SYNE2: variants seen among roughly 807,000 people sequenced by gnomAD.
SYNE2 encodes nesprin-2.
In SYNE2, 431 loss-of-function variants were observed where a neutral mutation model predicts 856.3. The observed-to-expected ratio is 0.50, with a 90% CI of 0.47 to 0.55. The LOEUF is 0.55. Ranked by LOEUF, SYNE2 falls within the 20% of genes least tolerant of loss-of-function variation. The probability of loss-of-function intolerance (pLI) is 0.00; values close to 1 mark genes in which losing one functional copy is unlikely to be tolerated. For missense variants in SYNE2, 8,129 were observed against 8,023.2 expected (o/e 1.01, Z -0.50); for synonymous variants, 2,923 against 2,872.3 (o/e 1.02, Z -0.56).
At chr14:64,074,231 GGGGGAGCGGTCT>G in intron 53 of SYNE2, 95 bp downstream of exon 53, 1 of 1,292,824 alleles carries the variant, frequency 7.7e-7, no homozygotes, top group Admixed American at 1.7e-5. Flanking sequence ...GGCTGGGTTT[GGGGGAGCGGTCT>G]GGGGAGAGAG....
At chr14:63,842,258 G>C (rs1000332487) in intron 1 of SYNE2, among the ~76,000 whole-genome samples, 1 of 151,848 alleles carries the variant, frequency 6.6e-6, no homozygotes. Flanking sequence ...TGCAACCTGC[G>C]CCTGCCAGGC....
At chr14:64,198,003 G>C (rs2098547272) in intron 99 of SYNE2, among the ~76,000 whole-genome samples, 2 of 152,122 alleles carry the variant, frequency 1.3e-5, no homozygotes, top group Non-Finnish European at 1.5e-5. Flanking sequence ...CTTTTGTTCA[G>C]GTCTCCCAAT....
At chr14:63,982,278 C>T (rs1321162875) in intron 16 of SYNE2, among the ~76,000 whole-genome samples, 1 of 152,002 alleles carries the variant, frequency 6.6e-6, no homozygotes, top group African/African-American at 2.4e-5. Flanking sequence ...GTTCATCAGC[C>T]ATGTAGAAAG....
intron 73 of SYNE2, among the ~76,000 whole-genome samples, chr14:64,127,125 G>T (rs2097954480): frequency 6.6e-6 from 1 of 152,170 alleles, no homozygotes; most frequent in Admixed American, 6.6e-5. Context: ...GCCGGACATG[G>T]TGGTGTGTGC....
chr14:63,959,278 TTTC>T (rs1166154223), intron 8 of SYNE2, among the ~76,000 whole-genome samples: 7 of 148,550 alleles, frequency 4.7e-5, no homozygotes, highest in South Asian at 2.2e-4. Context: ...TCTTTTTTCT[TTTC>T]TTCTTCTTTT....
At chr14:63,893,334 G>A (rs1036354954) in intron 1 of SYNE2, among the ~76,000 whole-genome samples, 2 of 152,162 alleles carry the variant, frequency 1.3e-5, no homozygotes, top group Non-Finnish European at 2.9e-5. Context: ...CAAAGCAGTC[G>A]GATCACTTGA....
intron 6 of SYNE2, among the ~76,000 whole-genome samples, chr14:63,942,898 A>T (rs7156570): frequency 0.68 from 103,058 of 152,078 alleles, 35,175 homozygotes; most frequent in South Asian, 0.76. Flanking sequence ...CCCAAAGTGC[A>T]GGGATTACAG....
chr14:64,162,563 C>A, intron 88 of SYNE2: 1 of 450,148 alleles, frequency 2.2e-6, no homozygotes, highest in South Asian at 2.1e-5. Context: ...CATATGAAAT[C>A]TGAAGTAAAA....
chr14:64,077,261 C>A (rs2097470741), intron 54 of SYNE2, among the ~76,000 whole-genome samples: 1 of 152,150 alleles, frequency 6.6e-6, no homozygotes, highest in South Asian at 2.1e-4. Flanking sequence ...CATGATCTGT[C>A]CTAATGTATC....
chr14:63,904,954 C>T (rs1249963924), intron 1 of SYNE2, among the ~76,000 whole-genome samples: 2 of 152,058 alleles, frequency 1.3e-5, no homozygotes, highest in Non-Finnish European at 2.9e-5. Context: ...ACATTTAAAT[C>T]TTTTATCTAT....
intron 1 of SYNE2, among the ~76,000 whole-genome samples, chr14:63,874,306 A>G (rs1417778327): frequency 6.6e-6 from 1 of 152,162 alleles, no homozygotes; most frequent in Non-Finnish European, 1.5e-5. Flanking sequence ...GGAGCATTGC[A>G]TCTGATTTCC....
At position 63,905,292 on chromosome 14, in the gene SYNE2, G is replaced by T. The variant is rs189476543; in HGVS notation, c.-51-3806G>T. Among the ~76,000 whole-genome samples, 20 of 152,132 alleles carry T rather than the reference G, an allele frequency of 1.3e-4. No homozygotes were observed. In the East Asian group the frequency reaches 3.7e-3, roughly 28 times the overall value. On this transcript the variant is annotated intron_variant, in intron 1 of 115. Transcript: ENST00000555002. ...TCTTAGGATTGCTTTGACTATTTGG[G>T]CTCTTTTTTGGTTTTATATGAATTT... is the stretch of plus-strand genomic sequence containing the variant.
At position 64,143,817 on chromosome 14, in the gene SYNE2, G is replaced by A. The variant is rs1406937757; in HGVS notation, c.15352G>A (p.Val5118Ile). ...MDYKQWIVDF[V>I]NQSLLQLSTC... ...CTATAAACAGTGGATAGTTGACTTCGTTAACCAGTCATTACTTCAGCTAAG... is the reference window on the plus strand; with the variant it reads ...CTATAAACAGTGGATAGTTGACTTCATTAACCAGTCATTACTTCAGCTAAG... The change falls in exon 83 of 116, where the codon GTT becomes ATT. Residue 5118 changes from valine to isoleucine, a missense_variant. Val to Ile is a conservative substitution (Grantham distance 29). Coordinates refer to ENST00000555002, the MANE Select transcript of SYNE2 (RefSeq NM_182914.3). The A allele has an allele frequency of 5.6e-6, 9 of 1,614,148 alleles. No homozygotes were observed. The highest frequency in any genetic ancestry group is 5.5e-5 in the South Asian group (5 of 91,084).
intron 113 of SYNE2, among the ~76,000 whole-genome samples, chr14:64,223,967 G>T (rs1198496006): frequency 6.6e-6 from 1 of 152,042 alleles, no homozygotes; most frequent in Non-Finnish European, 1.5e-5. Flanking sequence ...TTTTAATATG[G>T]GTTGGCTTTT....
rs1476394778 is a variant in SYNE2, at chr14:64,226,026, G to T, written c.*500G>T. On this transcript the variant is annotated 3_prime_UTR_variant, in exon 116 of 116. Transcript: ENST00000555002. ...TTTACTCCAATCAGCTGGCAATTTT[G>T]AGCTGCCGGTTATACACCAAAATGT... 7 of 215,008 alleles carry T rather than the reference G, an allele frequency of 3.3e-5. No individual in the cohort carries two copies. Among genetic ancestry groups the T allele is most frequent in the African/African-American group, 1.6e-4 (7 of 44,076 alleles). 13.3% of individuals were successfully genotyped at this position (215,008 alleles called of 1,614,324 possible).
At position 64,053,108 on chromosome 14, in the gene SYNE2, G is replaced by C. The variant is rs1432742200; in HGVS notation, c.9195G>C (p.Met3065Ile). Residue 3065 changes from methionine to isoleucine, a missense_variant, in exon 48 of 116, where the codon ATG becomes ATC. Around this residue, in one of 3 missense-constraint regions of SYNE2, gnomAD observed 5,410 missense variants for 5,284.8 expected, o/e 1.02. Coordinates refer to ENST00000555002, the MANE Select transcript of SYNE2 (RefSeq NM_182914.3). Reference protein sequence around the residue: ...MRAIDLQIKKMTEVVLKAPDS... With the variant: ...MRAIDLQIKKITEVVLKAPDS... ...CTATTGATTTGCAAATTAAGAAAAT[G>C]ACTGAAGTAGTACTAAAAGCTCCTG... 2 of 1,613,982 alleles carry C rather than the reference G, an allele frequency of 1.2e-6. No homozygotes were observed. Among genetic ancestry groups the C allele is most frequent in the Non-Finnish European group, 1.7e-6 (2 of 1,180,000 alleles).
At chr14:63,865,456 G>T (rs1312685829) in intron 1 of SYNE2, among the ~76,000 whole-genome samples, 5 of 151,876 alleles carry the variant, frequency 3.3e-5, no homozygotes, top group Non-Finnish European at 7.4e-5. Flanking sequence ...CTAGAATGAT[G>T]AGTAGGGCTT....
At position 64,002,987 on chromosome 14, in the gene SYNE2, G is replaced by A. The variant is rs1594789267; in HGVS notation, c.4054G>A (p.Val1352Met). The part of the protein sequence containing the change: ...VTDLSASDTQ[V>M]AQENTLTVKN... ...AGACCTTTCAGCCTCAGATACACAG[G>A]TGGCACAAGAAAATACGTTGACAGT... The change falls in exon 30 of 116, where the codon GTG becomes ATG. Residue 1352 changes from valine to methionine, a missense_variant. Physicochemically the swap from Val to Met is conservative, Grantham distance 21. Transcript: ENST00000555002. 51 of 1,614,038 alleles carry A rather than the reference G, an allele frequency of 3.2e-5. No individual in the cohort carries two copies. Among genetic ancestry groups the A allele is most frequent in the Non-Finnish European group, 4.2e-5 (50 of 1,180,038 alleles).
At chr14:64,082,678 G>A (rs186365500) in intron 57 of SYNE2, among the ~76,000 whole-genome samples, 1 of 152,198 alleles carries the variant, frequency 6.6e-6, no homozygotes. Context: ...CTGTAAGGAG[G>A]ACTCACCTCA....
Sources: allele counts gnomAD v4.1 joint callset (sites outside exome capture counted in the v4.1 genomes callset), GRCh38; gene constraint gnomAD v4.1.1; regional missense constraint gnomAD v4.1.1; transcripts MANE v1.5; gene names NCBI Gene and HGNC (gene_info 2026-07-23, HGNC 2026-07-21).